Variants in DTNA observed in about 807,000 individuals in gnomAD.
DTNA encodes the protein dystrophin-related protein 3.
A neutral mutation model predicts 100.7 loss-of-function variants in DTNA; 43 were observed. That is an observed-to-expected ratio of 0.43 (90% CI 0.33 to 0.55). DTNA has a LOEUF of 0.55. Ranked by LOEUF, DTNA falls within the 20% of genes least tolerant of loss-of-function variation. The pLI is 0.04. For missense variants in DTNA, 798 were observed against 953.9 expected, an observed-to-expected ratio of 0.84 and a Z score of 2.15; for synonymous variants, 349 against 347.9, an observed-to-expected ratio of 1.00 and a Z score of -0.04.
intron 1 of DTNA, among the ~76,000 whole-genome samples, chr18:34,608,152 T>C (rs988733204): frequency 2.0e-4 from 30 of 152,278 alleles, no homozygotes; most frequent in African/African-American, 7.2e-4. Context: ...TGCCATGTCC[T>C]CCTCATTTTA....
chr18:34,881,878 T>G (rs1472186912), intron 20 of DTNA, among the ~76,000 whole-genome samples, 191 bp from the exon 21 acceptor site: 1 of 152,230 alleles, frequency 6.6e-6, no homozygotes, highest in Non-Finnish European at 1.5e-5. Context: ...GAAAATACCT[T>G]GATCATATAT....
intron 1 of DTNA, chr18:34,663,023 G>C (rs921393262): frequency 2.0e-5 from 3 of 152,214 alleles, no homozygotes; most frequent in Admixed American, 6.5e-5. Flanking sequence ...GTTGAAGGCA[G>C]TGGCACCAAG....
intron 1 of DTNA, among the ~76,000 whole-genome samples, chr18:34,517,177 C>T (rs1430313992): frequency 6.6e-6 from 1 of 152,134 alleles, no homozygotes; most frequent in Non-Finnish European, 1.5e-5. Context: ...ATAAGATTAA[C>T]CAAAGCAGCT....
chr18:34,836,720 A>G (rs1207434581), intron 11 of DTNA, among the ~76,000 whole-genome samples: 1 of 151,844 alleles, frequency 6.6e-6, no homozygotes, highest in Non-Finnish European at 1.5e-5. Context: ...AATACTTTAT[A>G]TAACAGATGC....
At chr18:34,648,183 G>A (rs144086326) in intron 1 of DTNA, among the ~76,000 whole-genome samples, 117 of 152,316 alleles carry the variant, frequency 7.7e-4, no homozygotes, top group African/African-American at 2.6e-3. Context: ...CAGAGGGTCT[G>A]AGTGGTAATG....
chr18:34,510,453 A>C (rs1361674548), intron 1 of DTNA, among the ~76,000 whole-genome samples: 4 of 151,824 alleles, frequency 2.6e-5, no homozygotes, highest in African/African-American at 4.8e-5. Context: ...GGCCGTGACA[A>C]GACTGCATAT....
chr18:34,771,014 T>C (rs2093739483), intron 3 of DTNA, among the ~76,000 whole-genome samples: 1 of 152,144 alleles, frequency 6.6e-6, no homozygotes, highest in African/African-American at 2.4e-5. Context: ...TGAGCCACTG[T>C]GCCTGGCCAA....
chr18:34,647,699 CCTTTTGTATGATTTGGTCTCATAAAG>C (rs1599559753), intron 1 of DTNA, among the ~76,000 whole-genome samples: 1 of 152,160 alleles, frequency 6.6e-6, no homozygotes. Context: ...CTGACCTCTG[CCTTTTGTATGATTTGGTCTCATAAAG>C]CTGACAGTCT....
intron 8 of DTNA, among the ~76,000 whole-genome samples, chr18:34,819,671 T>G (rs931776489): frequency 6.6e-6 from 1 of 152,130 alleles, no homozygotes; most frequent in Non-Finnish European, 1.5e-5. Flanking sequence ...CAGGGCACTA[T>G]CTGTACAAAG....
intron 2 of DTNA, among the ~76,000 whole-genome samples, chr18:34,763,508 T>A (rs2093307774): frequency 6.6e-6 from 1 of 152,244 alleles, no homozygotes; most frequent in African/African-American, 2.4e-5. Context: ...AAGATTTGAC[T>A]TATATAGAAG....
At chr18:34,600,307 A>G (rs375877308) in intron 1 of DTNA, among the ~76,000 whole-genome samples, 6 of 152,228 alleles carry the variant, frequency 3.9e-5, no homozygotes, top group African/African-American at 1.4e-4. Context: ...CAAAATAAAA[A>G]TGATGTAAAG....
At chr18:34,835,779 T>C (rs2096127803) in intron 11 of DTNA, among the ~76,000 whole-genome samples, 1 of 152,224 alleles carries the variant, frequency 6.6e-6, no homozygotes, top group South Asian at 2.1e-4. Flanking sequence ...AAACACATCT[T>C]TGTGGTTGAC....
intron 1 of DTNA, among the ~76,000 whole-genome samples, chr18:34,555,757 C>T (rs921899717): frequency 6.6e-6 from 1 of 152,086 alleles, no homozygotes; most frequent in Non-Finnish European, 1.5e-5. Flanking sequence ...GTTATTATCT[C>T]TGTTCTTTTA....
intron 3 of DTNA, among the ~76,000 whole-genome samples, chr18:34,772,856 T>C (rs538680569): frequency 6.6e-6 from 1 of 152,386 alleles, no homozygotes; most frequent in East Asian, 1.9e-4. Context: ...TGGTTGGGTC[T>C]GTGATTCTCA....
intron 1 of DTNA, among the ~76,000 whole-genome samples, chr18:34,704,758 A>C (rs1275308265): frequency 6.6e-6 from 1 of 152,234 alleles, no homozygotes; most frequent in Non-Finnish European, 1.5e-5. Context: ...CACAGAAGAA[A>C]CTAAGAAACA....
At chr18:34,623,282 A>G (rs1204334285) in intron 1 of DTNA, among the ~76,000 whole-genome samples, 1 of 152,248 alleles carries the variant, frequency 6.6e-6, no homozygotes, top group East Asian at 1.9e-4. Flanking sequence ...GACAGACTTT[A>G]GAAGACTTTT....
rs1004065015 is a variant in DTNA, at chr18:34,653,525, T to C, written c.-1-102451T>C. ...AAACACTTAACACTAAAGAGTTTTT[T>C]AAAAATACCACTGAGGGTCAGGTGC... On this transcript the variant is annotated intron_variant, in intron 1 of 19. Transcript: ENST00000283365. 1.2e-4 allele frequency among the ~76,000 whole-genome samples: 19 copies of C among 152,066 alleles called. No individual in the cohort carries two copies. The East Asian group carries it at 1.5e-3, about 12-fold the overall frequency.
chr18:34,527,924 C>G (rs763158743), intron 1 of DTNA, among the ~76,000 whole-genome samples: 2 of 152,084 alleles, frequency 1.3e-5, no homozygotes, highest in Non-Finnish European at 2.9e-5. Context: ...ACTTACACCT[C>G]TATTGTCCAT....
Position 34,604,673 on chromosome 18 carries a change from C to T in DTNA, c.-2+111159C>T, listed in dbSNP as rs139067529. ...TCTTATGTAGCTGTTTGCCAGACAC[C>T]AGAACATAAATCTAACTTACTTAGA... On this transcript the variant is annotated intron_variant, in intron 1 of 19. Transcript: ENST00000283365. 2.4e-3 allele frequency among the ~76,000 whole-genome samples: 371 copies of T among 152,216 alleles called. 3 individuals are homozygous for T. The highest frequency in any genetic ancestry group is 8.2e-3 in the African/African-American group (342 of 41,554).
Sources: gnomAD v4.1 joint callset for allele counts (sites outside exome capture counted in the v4.1 genomes callset) on GRCh38, gnomAD v4.1.1 for gene constraint, MANE v1.5 for transcripts, NCBI Gene and HGNC (gene_info 2026-07-23, HGNC 2026-07-21) for gene names.